PDE6B: variants seen among roughly 807,000 people sequenced by gnomAD.
PDE6B encodes the protein phosphodiesterase 6B, also known as rod cGMP-specific 3',5'-cyclic phosphodiesterase subunit beta.
In PDE6B, 106 loss-of-function variants were observed where a neutral mutation model predicts 109.0. The ratio of observed to expected loss-of-function variants is 0.97; its 90% CI spans 0.83 to 1.14. The LOEUF (loss-of-function observed/expected upper bound fraction) is 1.14, where lower values mean the gene tolerates loss of function less well. PDE6B is among the 50% of genes most tolerant of loss of function. The pLI, the probability that PDE6B is intolerant of heterozygous loss-of-function variation, is 0.00. For synonymous variants in PDE6B, 490 were observed against 471.3 expected (o/e 1.04, Z -0.51); for missense variants, 1,193 against 1,155.6 (o/e 1.03, Z -0.47).
At chr4:664,488 C>G (rs978318032) in intron 17 of PDE6B, among the ~76,000 whole-genome samples, 29 of 152,164 alleles carry the variant, frequency 1.9e-4, no homozygotes, top group Admixed American at 1.8e-3. Flanking sequence ...TCCACTTTTT[C>G]ACCTGTAAAA....
At chr4:654,428 C>T (rs968610372) in intron 5 of PDE6B, 1 of 623,510 alleles carries the variant, frequency 1.6e-6, no homozygotes, top group African/African-American at 1.8e-5. Flanking sequence ...TGCCCCATCT[C>T]CCCACGTGGG....
chr4:666,686 G>A lies in PDE6B; in HGVS notation c.2352+72G>A. ...GGAGCAGGCAAGGGGGCGCGGGCTG[G>A]AGTCGCGTGGACTCACACGGGCCCG... On this transcript the variant is annotated intron_variant, in intron 20 of 21. Transcript: ENST00000496514. This position sits in a 1 kb window ranked among gnomAD's most constrained non-coding sequence, Gnocchi z 5.6. 1 of 985,294 alleles carries A rather than the reference G, an allele frequency of 1.0e-6. No homozygotes were observed. The highest frequency in any genetic ancestry group is 1.6e-6 in the Non-Finnish European group (1 of 609,626). The allele number at this position is 985,294 out of a possible 1,614,324, so 61.0% of individuals were successfully genotyped here.
rs1048911503 is a variant in PDE6B at position 636,654 on chromosome 4, A to G, written c.711+685A>G. ...GCTGAGCCACAAAGGAGAACTGTGAAGACGGCGGTCACCTCCTGCCTTCTC... is the reference window on the plus strand; with the variant it reads ...GCTGAGCCACAAAGGAGAACTGTGAGGACGGCGGTCACCTCCTGCCTTCTC... On this transcript the variant is annotated intron_variant, in intron 3 of 21. Coordinates refer to ENST00000496514, the MANE Select transcript of PDE6B (RefSeq NM_000283.4). The surrounding 1 kb of genome is among the most constrained non-coding windows in gnomAD (Gnocchi z 4.5). 6.6e-6 allele frequency among the ~76,000 whole-genome samples: 1 copy of G among 152,150 alleles called. No homozygotes were observed. The highest frequency in any genetic ancestry group is 1.5e-5 in the Non-Finnish European group (1 of 68,000).
In PDE6B at chr4:663,221, C is replaced by T. The variant is rs1474261789; in HGVS notation, c.1920+34C>T. On this transcript the variant is annotated intron_variant, in intron 15 of 21. Transcript: ENST00000496514. The surrounding 1 kb of genome is among the most constrained non-coding windows in gnomAD (Gnocchi z 4.0). ...ACTCACCCTCGGTTTCTGCTGTGGG[C>T]GCTGGGGACGCAGCGTCCGCAGGAC... 6 of 1,204,034 alleles carry T rather than the reference C, an allele frequency of 5.0e-6. No individual in the cohort carries two copies. The highest frequency in any genetic ancestry group is 1.9e-4 in the Middle Eastern group (1 of 5,314). 74.6% of individuals were successfully genotyped at this position (1,204,034 alleles called of 1,614,324 possible).
intron 3 of PDE6B, among the ~76,000 whole-genome samples, chr4:639,585 C>G (rs1341928571): frequency 6.6e-6 from 1 of 152,186 alleles, no homozygotes; most frequent in Non-Finnish European, 1.5e-5. Flanking sequence ...CTTATGGCTG[C>G]CATCGGCTTG....
intron 21 of PDE6B, among the ~76,000 whole-genome samples, chr4:668,472 C>A (rs372034137): frequency 0.05 from 6,106 of 122,906 alleles, 215 homozygotes; most frequent in African/African-American, 0.089. Flanking sequence ...GCTCCCACTA[C>A]CCCATGCTGC....
At chr4:642,560 A>G (rs189952244) in intron 3 of PDE6B, among the ~76,000 whole-genome samples, 1 of 152,046 alleles carries the variant, frequency 6.6e-6, no homozygotes, top group East Asian at 1.9e-4. Flanking sequence ...CCGGAAGGCT[A>G]AGGCAGGCAG....
chr4:662,712 T>C lies in PDE6B; in HGVS notation c.1832+94T>C, dbSNP rs1279450709. 3 of 845,086 alleles carry C rather than the reference T, an allele frequency of 3.5e-6. No individual in the cohort carries two copies. The highest frequency in any genetic ancestry group is 1.9e-5 in the Admixed American group (1 of 53,322). 52.3% of individuals were successfully genotyped at this position (845,086 alleles called of 1,614,324 possible). On this transcript the variant is annotated intron_variant, in intron 14 of 21. Transcript: ENST00000496514. This position sits in a 1 kb window ranked among gnomAD's most constrained non-coding sequence, Gnocchi z 4.3. ...TTCGCATAGCAGGCTATGTAGAAAGTGGAGTCCACGGCCAGGCCCCGTACT... is the reference window on the plus strand; with the variant it reads ...TTCGCATAGCAGGCTATGTAGAAAGCGGAGTCCACGGCCAGGCCCCGTACT...
At chr4:632,967 G>A (rs1031597712) in intron 1 of PDE6B, among the ~76,000 whole-genome samples, 4 of 152,196 alleles carry the variant, frequency 2.6e-5, no homozygotes, top group Admixed American at 1.3e-4. Context: ...AAAAGGATGG[G>A]CTCCAGGTAG....
chr4:665,703 C>G lies in PDE6B; in HGVS notation c.2268+374C>G, dbSNP rs1450126295. On this transcript the variant is annotated intron_variant, in intron 19 of 21. Transcript: ENST00000496514. This position sits in a 1 kb window ranked among gnomAD's most constrained non-coding sequence, Gnocchi z 4.0. ...GCATGGGGGGCGTCCCGGGCCCACACAGTGGTATGATGGACAATGCCAGGG... is the reference window on the plus strand; with the variant it reads ...GCATGGGGGGCGTCCCGGGCCCACAGAGTGGTATGATGGACAATGCCAGGG... 6.6e-6 allele frequency among the ~76,000 whole-genome samples: 1 copy of G among 152,154 alleles called. No individual in the cohort carries two copies. The highest frequency in any genetic ancestry group is 1.5e-5 in the Non-Finnish European group (1 of 68,024).
chr4:629,952 C>G (rs1208386159), intron 1 of PDE6B, among the ~76,000 whole-genome samples: 1 of 152,102 alleles, frequency 6.6e-6, no homozygotes, highest in Non-Finnish European at 1.5e-5. Context: ...CCACAGCTGC[C>G]ACCTGCTCCC....
intron 1 of PDE6B, among the ~76,000 whole-genome samples, chr4:628,304 C>T (rs999020978): frequency 6.6e-6 from 1 of 152,168 alleles, no homozygotes; most frequent in Non-Finnish European, 1.5e-5. Context: ...CAGTCTGGCC[C>T]ACTGCACCCT....
At chr4:656,822 G>C in intron 8 of PDE6B, 52 bp from the exon 9 acceptor site, 1 of 1,595,400 alleles carries the variant, frequency 6.3e-7, no homozygotes, top group Non-Finnish European at 8.6e-7. Context: ...CCACACGCCC[G>C]GGCCAGGGCC....
intron 3 of PDE6B, among the ~76,000 whole-genome samples, chr4:651,153 G>C (rs942116291): frequency 6.6e-6 from 1 of 150,780 alleles, no homozygotes; most frequent in African/African-American, 2.4e-5. Context: ...GCAGGACAGG[G>C]CTGAGGCGCC....
chr4:636,356 C>T lies in PDE6B; in HGVS notation c.711+387C>T, dbSNP rs932835648. Reference sequence around the variant, plus strand: ...GGTGCAGGGGCAGGTCCGGCCCTGACTGAGAGAGGGTGTAGGGGCAGGTCC... The same window carrying T: ...GGTGCAGGGGCAGGTCCGGCCCTGATTGAGAGAGGGTGTAGGGGCAGGTCC... On this transcript the variant is annotated intron_variant, in intron 3 of 21. Coordinates refer to ENST00000496514, the MANE Select transcript of PDE6B (RefSeq NM_000283.4). The surrounding 1 kb of genome is among the most constrained non-coding windows in gnomAD (Gnocchi z 4.5). Among the ~76,000 whole-genome samples, 1 of 151,880 alleles carries T rather than the reference C, an allele frequency of 6.6e-6. No individual in the cohort carries two copies. Among genetic ancestry groups the T allele is most frequent in the Non-Finnish European group, 1.5e-5 (1 of 67,964 alleles).
rs1374625031 is a variant in PDE6B at position 648,670 on chromosome 4, T to A, written c.712-5182T>A. ...GCCAACAGAGGCCGCAGGAAAGCCA[T>A]GGGTTAGGCCCTACAGAGCTCAGGT... On this transcript the variant is annotated intron_variant, in intron 3 of 21. Coordinates refer to ENST00000496514, the MANE Select transcript of PDE6B (RefSeq NM_000283.4). This position sits in a 1 kb window ranked among gnomAD's most constrained non-coding sequence, Gnocchi z 4.5. Among the ~76,000 whole-genome samples the A allele has an allele frequency of 1.3e-5, 2 of 152,138 alleles. No homozygotes were observed. The highest frequency in any genetic ancestry group is 2.9e-5 in the Non-Finnish European group (2 of 68,020).
Position 663,806 on chromosome 4 carries a change from C to G in PDE6B, c.1957C>G (p.His653Asp). ...NIYQNLNRRQ[H>D]EHVIHLMDIA... ...CTACCAGAACCTGAACCGGCGGCAG[C>G]ACGAGCACGTGATCCACCTGATGGA... Residue 653 changes from histidine (H) to aspartate (D), a missense_variant, in exon 16 of 22, where the codon CAC (histidine) becomes GAC (aspartate). Transcript: ENST00000496514. This position sits in a 1 kb window ranked among gnomAD's most constrained non-coding sequence, Gnocchi z 4.0. 1 of 1,612,280 alleles carries G rather than the reference C, an allele frequency of 6.2e-7. No homozygotes were observed. Among genetic ancestry groups the G allele is most frequent in the African/African-American group, 1.3e-5 (1 of 75,042 alleles).
At chr4:629,539 T>C (rs912644119) in intron 1 of PDE6B, among the ~76,000 whole-genome samples, 5 of 152,262 alleles carry the variant, frequency 3.3e-5, no homozygotes, top group African/African-American at 9.6e-5. Context: ...GGGACCGTCA[T>C]GGGAACCCAT....
In PDE6B at chr4:634,813, C is replaced by T; in HGVS notation, c.605C>T (p.Thr202Ile). Residue 202 changes from threonine (T) to isoleucine (I), a missense_variant, in exon 2 of 22, where the codon ACC (threonine) becomes ATC (isoleucine). By Grantham distance (89) the Thr-to-Ile change is moderately conservative. Coordinates refer to ENST00000496514, the MANE Select transcript of PDE6B (RefSeq NM_000283.4). ...AVNKLNGPFF[T>I]SEDEDVFLKY... is the part of the protein sequence containing the mutation. ...AACAAGCTCAACGGCCCATTCTTCA[C>T]CAGCGAAGACGAAGATGTGAGTGTG... 6.2e-7 allele frequency: 1 copy of T among 1,614,000 alleles called. No individual in the cohort carries two copies. Among genetic ancestry groups the T allele is most frequent in the South Asian group, 1.1e-5 (1 of 91,088 alleles).
Sources: gnomAD v4.1 joint callset for allele counts (sites outside exome capture counted in the v4.1 genomes callset) on GRCh38, gnomAD v4.1.1 for gene constraint, Gnocchi (gnomAD v3.1) non-coding constraint, MANE v1.5 for transcripts, NCBI Gene and HGNC (gene_info 2026-07-23, HGNC 2026-07-21) for gene names.